Variants in KIAA1328 observed in about 807,000 individuals in gnomAD.
KIAA1328 encodes the protein protein hinderin.
Under a neutral mutation model 68.1 loss-of-function variants are expected in KIAA1328, and 52 were observed. The ratio of observed to expected loss-of-function variants is 0.76; its 90% CI spans 0.61 to 0.96. The LOEUF is 0.96. Ranked by LOEUF, KIAA1328 falls within the 40% of genes least tolerant of loss-of-function variation. The pLI is 0.00. For synonymous variants in KIAA1328, 232 were observed against 239.4 expected, an observed-to-expected ratio of 0.97 and a Z score of 0.28; for missense variants, 641 against 677.6, an observed-to-expected ratio of 0.95 and a Z score of 0.60.
At position 37,225,071 on chromosome 18, in the gene KIAA1328, T is replaced by C. The variant is rs1364715260; in HGVS notation, c.*2844T>C. 7 of 985,308 alleles carry C rather than the reference T, an allele frequency of 7.1e-6. No homozygotes were observed. Among genetic ancestry groups the C allele is most frequent in the South Asian group, 9.4e-5 (2 of 21,282 alleles). 61.0% of individuals were successfully genotyped at this position (985,308 alleles called of 1,614,324 possible). On this transcript the variant is annotated 3_prime_UTR_variant, in exon 10 of 10. Coordinates refer to ENST00000280020, the MANE Select transcript of KIAA1328 (RefSeq NM_020776.3). The stretch of plus-strand genomic sequence containing the variant: ...ATGTCATGGGGAGAGAGGGACTCTT[T>C]CTGCTCCCTCAGAGCTACTCTTCAC...
intron 6 of KIAA1328, among the ~76,000 whole-genome samples, chr18:36,974,517 T>C (rs2052382917): frequency 6.6e-6 from 1 of 152,342 alleles, no homozygotes. Flanking sequence ...CCATTGTGTA[T>C]ATACCACATT....
intron 4 of KIAA1328, among the ~76,000 whole-genome samples, chr18:36,884,576 G>A (rs1442622037): frequency 6.6e-6 from 1 of 152,168 alleles, no homozygotes; most frequent in African/African-American, 2.4e-5. Flanking sequence ...TGGGATTCAT[G>A]TTACGCAGAA....
chr18:36,877,767 G>A (rs771029384), intron 4 of KIAA1328, among the ~76,000 whole-genome samples: 5 of 150,242 alleles, frequency 3.3e-5, no homozygotes, highest in Non-Finnish European at 7.4e-5. Flanking sequence ...CCCAGGTTCA[G>A]GCCATTCTCC....
chr18:37,057,594 A>ATT (rs111768411), intron 6 of KIAA1328, among the ~76,000 whole-genome samples: 2 of 142,700 alleles, frequency 1.4e-5, no homozygotes, highest in South Asian at 2.2e-4. Flanking sequence ...CATCTGGCTA[A>ATT]TTTTTTTTTT....
chr18:37,113,481 C>G (rs1368805460), intron 7 of KIAA1328, among the ~76,000 whole-genome samples: 1 of 152,194 alleles, frequency 6.6e-6, no homozygotes, highest in South Asian at 2.1e-4. Context: ...CACTACCAGA[C>G]TTGCCTTACA....
intron 7 of KIAA1328, among the ~76,000 whole-genome samples, chr18:37,069,260 G>GTTTT (rs35780871): frequency 3.7e-5 from 5 of 133,646 alleles, no homozygotes; most frequent in African/African-American, 8.3e-5. Context: ...ATTTGCATCA[G>GTTTT]TTTTTTTTTT....
chr18:36,930,042 T>C (rs1379860231), intron 5 of KIAA1328, among the ~76,000 whole-genome samples: 2 of 152,234 alleles, frequency 1.3e-5, no homozygotes, highest in East Asian at 3.9e-4. Flanking sequence ...AGGCCTGTTG[T>C]CCTACCTTCA....
At chr18:37,118,913 C>T (rs182959998) in intron 7 of KIAA1328, among the ~76,000 whole-genome samples, 20 of 152,266 alleles carry the variant, frequency 1.3e-4, no homozygotes, top group Middle Eastern at 3.4e-3. Flanking sequence ...TCCCTAGTCC[C>T]ACAAGCCATT....
intron 7 of KIAA1328, among the ~76,000 whole-genome samples, chr18:37,158,185 A>T (rs2059198248): frequency 6.6e-6 from 1 of 152,034 alleles, no homozygotes; most frequent in Non-Finnish European, 1.5e-5. Context: ...GGCACATGCC[A>T]CCATGCCTGG....
chr18:36,875,020 A>G (rs975031955), intron 4 of KIAA1328, among the ~76,000 whole-genome samples: 3 of 152,012 alleles, frequency 2.0e-5, no homozygotes, highest in Non-Finnish European at 4.4e-5. Context: ...GTTCTCTTTC[A>G]CTGGTCTATA....
At chr18:37,172,467 C>T (rs1485537155) in intron 8 of KIAA1328, among the ~76,000 whole-genome samples, 1 of 152,186 alleles carries the variant, frequency 6.6e-6, no homozygotes, top group Non-Finnish European at 1.5e-5. Flanking sequence ...TTTCCCATGG[C>T]ACTCGAATGA....
At chr18:37,186,580 A>C (rs986521785) in intron 9 of KIAA1328, among the ~76,000 whole-genome samples, 2 of 151,388 alleles carry the variant, frequency 1.3e-5, no homozygotes, top group African/African-American at 4.8e-5. Context: ...AAAAAAAAAA[A>C]AAAAAAACCA....
At chr18:37,027,029 T>C (rs556379758) in intron 6 of KIAA1328, among the ~76,000 whole-genome samples, 80 of 152,306 alleles carry the variant, frequency 5.3e-4, no homozygotes, top group South Asian at 1.0e-3. Context: ...GCAAAGTCTC[T>C]GGATACAAAA....
At chr18:37,059,272 A>G (rs1460066681) in intron 6 of KIAA1328, among the ~76,000 whole-genome samples, 4 of 152,198 alleles carry the variant, frequency 2.6e-5, no homozygotes, top group African/African-American at 9.6e-5. Context: ...AGAATGGGAG[A>G]AAATTTTTGC....
At chr18:37,107,808 T>C (rs1208889470) in intron 7 of KIAA1328, among the ~76,000 whole-genome samples, 3 of 151,896 alleles carry the variant, frequency 2.0e-5, no homozygotes, top group East Asian at 3.9e-4. Context: ...TCAGTGAAGA[T>C]AGAGTTTGAC....
rs1352548890 is a variant in KIAA1328 at position 37,067,135 on chromosome 18, A to G, written c.822A>G (p.Pro274=). The part of the protein sequence containing the change: ...SETTTCNCES[P]GRKPAVPTEK... ...CCACAACATGTAATTGTGAATCTCC[A>G]GGGAGAAAACCTGCAGTCCCAACAG... The change falls in exon 7 of 10, where the codon CCA becomes CCG. Residue 274 remains proline (P), a synonymous_variant. Transcript: ENST00000280020. 1 of 1,613,934 alleles carries G rather than the reference A, an allele frequency of 6.2e-7. No individual in the cohort carries two copies. The highest frequency in any genetic ancestry group is 8.5e-7 in the Non-Finnish European group (1 of 1,179,904).
intron 9 of KIAA1328, among the ~76,000 whole-genome samples, chr18:37,205,782 T>C (rs1378234922): frequency 6.6e-6 from 1 of 152,234 alleles, no homozygotes; most frequent in East Asian, 1.9e-4. Context: ...CAAATGTTAA[T>C]GTTTCAAGCA....
intron 6 of KIAA1328, among the ~76,000 whole-genome samples, chr18:37,036,050 A>G (rs891874770): frequency 7.9e-5 from 12 of 152,180 alleles, no homozygotes; most frequent in Non-Finnish European, 1.2e-4. Flanking sequence ...TTTAGATTTA[A>G]GAATAGTAGA....
intron 7 of KIAA1328, among the ~76,000 whole-genome samples, chr18:37,088,324 C>T (rs913670040): frequency 3.3e-5 from 5 of 152,042 alleles, no homozygotes; most frequent in Admixed American, 6.6e-5. Flanking sequence ...AATAGAGATA[C>T]GTATTCAATC....
Sources: gnomAD v4.1 joint callset for allele counts (sites outside exome capture counted in the v4.1 genomes callset) on GRCh38, gnomAD v4.1.1 for gene constraint, MANE v1.5 for transcripts, NCBI Gene and HGNC (gene_info 2026-07-23, HGNC 2026-07-21) for gene names.